TMEM175: variants seen among roughly 807,000 people sequenced by gnomAD.
TMEM175 encodes endosomal/lysosomal proton channel TMEM175.
In TMEM175, 36 loss-of-function variants were observed where a neutral mutation model predicts 36.5. The ratio of observed to expected loss-of-function variants is 0.99; its 90% CI spans 0.76 to 1.30. The LOEUF (loss-of-function observed/expected upper bound fraction) is 1.30, where lower values mean the gene tolerates loss of function less well. TMEM175 is among the 50% of genes most tolerant of loss of function. TMEM175 has a pLI of 0.00. For synonymous variants in TMEM175, 339 were observed against 313.4 expected (o/e 1.08, Z -0.86); for missense variants, 705 against 692.8 (o/e 1.02, Z -0.20).
At chr4:938,498 G>A (rs558770528) in intron 1 of TMEM175, among the ~76,000 whole-genome samples, 3 of 151,592 alleles carry the variant, frequency 2.0e-5, no homozygotes, top group East Asian at 3.9e-4. Flanking sequence ...AGTGAGACTC[G>A]GTCTCCAAAA....
chr4:953,484 G>A, intron 8 of TMEM175, 130 bp downstream of exon 8: 5 of 1,167,890 alleles, frequency 4.3e-6, no homozygotes, highest in Non-Finnish European at 5.8e-6. Flanking sequence ...CCAGGGTCTT[G>A]TGTGTGAGGC....
intron 1 of TMEM175, among the ~76,000 whole-genome samples, chr4:943,453 T>C (rs1160957508): frequency 6.6e-6 from 1 of 152,200 alleles, no homozygotes; most frequent in Non-Finnish European, 1.5e-5. Flanking sequence ...GGTTTCACCA[T>C]GTTAGCCAGG....
At position 957,843 on chromosome 4, in the gene TMEM175, C is replaced by A. The variant is rs779659048; in HGVS notation, c.862C>A (p.Pro288Thr). 2.7e-5 allele frequency: 43 copies of A among 1,610,750 alleles called. 1 individual carries two copies. The highest frequency in any genetic ancestry group is 2.7e-5 in the Non-Finnish European group (32 of 1,178,874). Residue 288 changes from proline (P) to threonine (T), a missense_variant, in exon 11 of 11, where the codon CCC becomes ACC. By Grantham distance (38) the Pro-to-Thr change is conservative. Coordinates refer to ENST00000264771, the MANE Select transcript of TMEM175 (RefSeq NM_032326.4). ...LDICEDNVPD[P>T]KDVKERFSGS... ...TCTCAGCGAAGACAACGTCCCGGACCCCAAGGATGTGAAGGAGAGGTTCAG... is the reference window on the plus strand; with the variant it reads ...TCTCAGCGAAGACAACGTCCCGGACACCAAGGATGTGAAGGAGAGGTTCAG...
chr4:949,848 T>C (rs1390301657), intron 3 of TMEM175, among the ~76,000 whole-genome samples: 3 of 149,940 alleles, frequency 2.0e-5, no homozygotes, highest in Non-Finnish European at 4.4e-5. Flanking sequence ...CAGTGCCAGG[T>C]GTGACCCTTT....
chr4:956,800 C>G, intron 10 of TMEM175: 1 of 303,530 alleles, frequency 3.3e-6, no homozygotes, highest in Non-Finnish European at 6.4e-6. Flanking sequence ...GTGTCTTGTT[C>G]CCTCGTCATA....
chr4:933,695 AC>A (rs1210121171), intron 1 of TMEM175, among the ~76,000 whole-genome samples: 1 of 152,066 alleles, frequency 6.6e-6, no homozygotes, highest in Non-Finnish European at 1.5e-5. Flanking sequence ...TAAGGTTGCA[AC>A]CCCTTCAACA....
chr4:948,130 C>A lies in TMEM175; in HGVS notation c.168C>A (p.Thr56=), dbSNP rs1203708325. ...TGCCCCCTCAGATCCTGCCTGTGAC[C>A]CACACGGAGATCTCCCCAGAACAGG... The part of the protein sequence containing the change: ...IIATVMILPV[T]HTEISPEQQF... Residue 56 remains threonine, a synonymous_variant, in exon 3 of 11, where the codon ACC becomes ACA. Transcript: ENST00000264771. The A allele has an allele frequency of 4.3e-6, 7 of 1,614,134 alleles. No homozygotes were observed. The highest frequency in any genetic ancestry group is 5.1e-6 in the Non-Finnish European group (6 of 1,180,028).
chr4:950,490 G>C lies in TMEM175; in HGVS notation c.262G>C (p.Val88Leu). The C allele has an allele frequency of 6.2e-7, 1 of 1,614,072 alleles. No homozygotes were observed. Among genetic ancestry groups the C allele is most frequent in the Non-Finnish European group, 8.5e-7 (1 of 1,179,984 alleles). Reference sequence around the variant, plus strand: ...CGTCTACCTGATGACCTTTCTCATCGTGACAGTGGCCTGGGCAGCACACAC... The same window carrying C: ...CGTCTACCTGATGACCTTTCTCATCCTGACAGTGGCCTGGGCAGCACACAC... ...IAVYLMTFLI[V>L]TVAWAAHTRL... Residue 88 changes from valine to leucine, a missense_variant, in exon 4 of 11, where the codon GTG becomes CTG. Transcript: ENST00000264771.
At chr4:952,267 C>A in intron 6 of TMEM175, 100 bp from the exon 7 acceptor site, 2 of 1,046,592 alleles carry the variant, frequency 1.9e-6, no homozygotes, top group Non-Finnish European at 1.5e-6. Flanking sequence ...CATCTCCCAG[C>A]GTCCCGTGGA....
chr4:956,194 G>A, intron 10 of TMEM175: 1 of 822,508 alleles, frequency 1.2e-6, no homozygotes, highest in Non-Finnish European at 1.7e-6. Flanking sequence ...TCTCAGAGGG[G>A]CTCAGCAGCC....
chr4:953,044 C>G (rs568991288), intron 7 of TMEM175, 146 bp from the exon 8 acceptor site: 2 of 778,396 alleles, frequency 2.6e-6, no homozygotes, highest in African/African-American at 1.8e-5. Flanking sequence ...CCCAAGACCC[C>G]TGTGCGCGCG....
rs751902694 is a variant in TMEM175 at position 958,396 on chromosome 4, C to CCCTGCGGGT, written c.1424_1432dup (p.Val475_Arg477dup). 6.9e-6 allele frequency: 11 copies of CCCTGCGGGT among 1,601,108 alleles called. No homozygotes were observed. Among genetic ancestry groups the CCCTGCGGGT allele is most frequent in the South Asian group, 4.4e-5 (4 of 91,020 alleles). ...CTGCTCGTGGGCCTGGCCCTGGCCA[C>CCCTGCGGGT]CCTGCGGGTCCTGCGGGGCCTCGCC... is the stretch of plus-strand genomic sequence containing the variant. On this transcript the variant is annotated inframe_insertion, in exon 11 of 11. Coordinates refer to ENST00000264771, the MANE Select transcript of TMEM175 (RefSeq NM_032326.4).
chr4:936,862 CAGG>C (rs902236293), intron 1 of TMEM175, among the ~76,000 whole-genome samples: 3 of 151,790 alleles, frequency 2.0e-5, no homozygotes, highest in African/African-American at 7.3e-5. Context: ...GAGGCTGAGG[CAGG>C]AGAATCGCTT....
In TMEM175 at chr4:951,623, C is replaced by A; in HGVS notation, c.343-59C>A. On this transcript the variant is annotated intron_variant, in intron 5 of 10. Transcript: ENST00000264771. ...GTGCCTTCCCGGAGTGGGCTCTGTCCATTCCCCTGCCCTTCTCCCCAGGCC... is the reference window on the plus strand; with the variant it reads ...GTGCCTTCCCGGAGTGGGCTCTGTCAATTCCCCTGCCCTTCTCCCCAGGCC... 7 of 1,611,506 alleles carry A rather than the reference C, an allele frequency of 4.3e-6. No homozygotes were observed. The Admixed American group carries it at 1.2e-4, about 27-fold the overall frequency.
intron 8 of TMEM175, among the ~76,000 whole-genome samples, chr4:953,986 A>ATTTTCTTT (rs554973289): frequency 1.3e-5 from 2 of 149,642 alleles, no homozygotes; most frequent in Admixed American, 6.6e-5. Context: ...GCCAGCCTTT[A>ATTTTCTTT]TTTTCTTTTT....
In TMEM175 at chr4:948,146, C is replaced by A; in HGVS notation, c.184C>A (p.Pro62Thr). ...GCCTGTGACCCACACGGAGATCTCC[C>A]CAGAACAGGTAACGGGGCAGGCTGT... ...ILPVTHTEIS[P>T]EQQFDRSVQR... Residue 62 changes from proline to threonine, a missense_variant, in exon 3 of 11, where the codon CCA becomes ACA. By Grantham distance (38) the Pro-to-Thr change is conservative (BLOSUM62 -1). Transcript: ENST00000264771. 5 of 1,614,124 alleles carry A rather than the reference C, an allele frequency of 3.1e-6. No homozygotes were observed. The highest frequency in any genetic ancestry group is 4.2e-6 in the Non-Finnish European group (5 of 1,180,034).
At chr4:953,155 T>C in intron 7 of TMEM175, 35 bp from the exon 8 acceptor site, 1 of 1,566,464 alleles carries the variant, frequency 6.4e-7, no homozygotes, top group Non-Finnish European at 8.7e-7. Context: ...CCTCTGCTCT[T>C]GGGGCCTGTG....
intron 1 of TMEM175, among the ~76,000 whole-genome samples, chr4:945,809 C>T (rs1207632494): frequency 2.0e-5 from 3 of 152,296 alleles, no homozygotes; most frequent in Non-Finnish European, 4.4e-5. Context: ...AAGAGGTCTC[C>T]GCCCCTTAAA....
chr4:936,623 A>AT (rs1458569666), intron 1 of TMEM175, among the ~76,000 whole-genome samples: 1 of 152,114 alleles, frequency 6.6e-6, no homozygotes, highest in African/African-American at 2.4e-5. Flanking sequence ...AAACGAACAA[A>AT]TTCCTGGAAA....
Sources: gnomAD v4.1 joint callset for allele counts (sites outside exome capture counted in the v4.1 genomes callset) on GRCh38, gnomAD v4.1.1 for gene constraint, MANE v1.5 for transcripts, NCBI Gene and HGNC (gene_info 2026-07-23, HGNC 2026-07-21) for gene names.